FAT4: variants seen among roughly 807,000 people sequenced by gnomAD.
FAT4 encodes the protein FAT atypical cadherin 4, also known as protocadherin Fat 4.
Under a neutral mutation model 303.9 loss-of-function variants are expected in FAT4, and 84 were observed. That is an observed-to-expected ratio of 0.28 (90% CI 0.23 to 0.33). FAT4 has a LOEUF of 0.33. FAT4 is among the 10% of genes least tolerant of loss of function. The pLI, the probability that FAT4 is intolerant of heterozygous loss-of-function variation, is 1.00. For missense variants in FAT4, 6,005 were observed against 6,146.8 expected, an observed-to-expected ratio of 0.98 and a Z score of 0.77; for synonymous variants, 2,307 against 2,298.8, an observed-to-expected ratio of 1.00 and a Z score of -0.10.
At chr4:125,487,964 C>G (rs1727470379) in intron 17 of FAT4, among the ~76,000 whole-genome samples, 1 of 152,154 alleles carries the variant, frequency 6.6e-6, no homozygotes, top group Non-Finnish European at 1.5e-5. Context: ...CACAGCCACT[C>G]TCTTCATAGA....
intron 10 of FAT4, among the ~76,000 whole-genome samples, chr4:125,456,284 A>G (rs1726274089): frequency 6.6e-6 from 1 of 152,146 alleles, no homozygotes; most frequent in South Asian, 2.1e-4. Flanking sequence ...CCAGGGCCAG[A>G]GCTGCCAAAG....
At chr4:125,373,784 G>C (rs1260762160) in intron 2 of FAT4, among the ~76,000 whole-genome samples, 4 of 152,086 alleles carry the variant, frequency 2.6e-5, no homozygotes, top group Non-Finnish European at 4.4e-5. Flanking sequence ...AGGTGAACAT[G>C]AAAAAGCCAA....
intron 2 of FAT4, among the ~76,000 whole-genome samples, chr4:125,327,083 C>A (rs541925575): frequency 6.6e-6 from 1 of 152,152 alleles, no homozygotes; most frequent in East Asian, 1.9e-4. Flanking sequence ...ACAATTTTTG[C>A]CTACCACAGC....
At chr4:125,464,201 T>C (rs1014613242) in intron 11 of FAT4, among the ~76,000 whole-genome samples, 3 of 152,208 alleles carry the variant, frequency 2.0e-5, no homozygotes, top group Non-Finnish European at 4.4e-5. Flanking sequence ...TGATACTACC[T>C]GACTAATAAA....
intron 12 of FAT4, among the ~76,000 whole-genome samples, chr4:125,473,072 C>T (rs1726917558): frequency 6.6e-6 from 1 of 151,828 alleles, no homozygotes; most frequent in Admixed American, 6.6e-5. Flanking sequence ...CCCAACATTC[C>T]AAAAATGTTG....
chr4:125,355,466 AT>A, intron 2 of FAT4, among the ~76,000 whole-genome samples: 1 of 152,178 alleles, frequency 6.6e-6, no homozygotes, highest in East Asian at 1.9e-4. Flanking sequence ...TCTGATGGAA[AT>A]AATATTACGA....
chr4:125,397,253 CAT>C (rs766703129), intron 2 of FAT4, among the ~76,000 whole-genome samples: 17 of 151,982 alleles, frequency 1.1e-4, no homozygotes, highest in Admixed American at 3.3e-4. Context: ...CTCTAGGACA[CAT>C]ATTATTATAC....
At chr4:125,330,229 T>TTTA (rs371747366) in intron 2 of FAT4, among the ~76,000 whole-genome samples, 13 of 152,232 alleles carry the variant, frequency 8.5e-5, no homozygotes, top group Admixed American at 3.3e-4. Context: ...TATTTTTTTT[T>TTTA]ATCTCACATT....
rs187533970 is a variant in FAT4 at position 125,372,723 on chromosome 4, A to C, written c.5176-26061A>C. On this transcript the variant is annotated intron_variant, in intron 2 of 17. Coordinates refer to ENST00000394329, the MANE Select transcript of FAT4 (RefSeq NM_001291303.3). ...GGAATGCAAATCACATTTCCTTTAC[A>C]CAATAGTATTAAACTGATTTCAAAG... Among the ~76,000 whole-genome samples the C allele has an allele frequency of 5.3e-5, 8 of 152,326 alleles. No individual in the cohort carries two copies. The East Asian group carries it at 1.3e-3, about 26-fold the overall frequency.
chr4:125,402,868 G>A (rs1734442049), intron 3 of FAT4, among the ~76,000 whole-genome samples: 1 of 151,746 alleles, frequency 6.6e-6, no homozygotes, highest in Non-Finnish European at 1.5e-5. Context: ...ACAATAAATG[G>A]TATATTTGTT....
chr4:125,415,101 T>C lies in FAT4; in HGVS notation c.6138T>C (p.Asp2046=), dbSNP rs751031729. 1 of 1,613,986 alleles carries C rather than the reference T, an allele frequency of 6.2e-7. No homozygotes were observed. The highest frequency in any genetic ancestry group is 8.5e-7 in the Non-Finnish European group (1 of 1,179,890). Residue 2046 remains aspartate, a synonymous_variant, in exon 6 of 18, where the codon GAT becomes GAC. Transcript: ENST00000394329. ...CCATTATTTTGTTGGATGTAAATGA[T>C]AACCCACCGACATTTCTTTCCCCTA... ...QVSIILLDVN[D]NPPTFLSPKL... is the part of the protein sequence containing the mutation.
Position 125,489,850 on chromosome 4 carries a change from T to TTTTTTC in FAT4, c.13085-46_13085-45insCTTTTT, listed in dbSNP as rs745377873. 19 of 436,708 alleles carry TTTTTTC rather than the reference T, an allele frequency of 4.4e-5. 2 individuals carry two copies. The East Asian group carries it at 5.8e-4, about 13-fold the overall frequency. 27.1% of individuals were successfully genotyped at this position (436,708 alleles called of 1,614,324 possible). On this transcript the variant is annotated intron_variant, in intron 17 of 17. Transcript: ENST00000394329. ...ACCCAGCAGTGTAGTATAAGCTCTT[T>TTTTTTC]TTTTTTTTTTTTTTTTTTGTAAAAA...
chr4:125,332,958 A>G (rs868572443), intron 2 of FAT4, among the ~76,000 whole-genome samples: 1 of 151,908 alleles, frequency 6.6e-6, no homozygotes, highest in African/African-American at 2.4e-5. Flanking sequence ...TGGTATATAC[A>G]TTTTTGTTCT....
At position 125,432,854 on chromosome 4, in the gene FAT4, C is replaced by T. The variant is rs1725327974; in HGVS notation, c.7019-1391C>T. Among the ~76,000 whole-genome samples, 4 of 152,048 alleles carry T rather than the reference C, an allele frequency of 2.6e-5. No homozygotes were observed. The South Asian group carries it at 8.3e-4, about 32-fold the overall frequency. On this transcript the variant is annotated intron_variant, in intron 7 of 17. Coordinates refer to ENST00000394329, the MANE Select transcript of FAT4 (RefSeq NM_001291303.3). ...ATATATGGCAACAATGATCAGTGTG[C>T]AGTCTAAATTTAATTGCATCATTTT...
intron 2 of FAT4, among the ~76,000 whole-genome samples, chr4:125,391,821 T>C (rs1433533756): frequency 6.6e-6 from 1 of 152,194 alleles, no homozygotes; most frequent in Non-Finnish European, 1.5e-5. Context: ...TAATAGTGGA[T>C]AACTTTGATT....
At chr4:125,339,581 A>G (rs1337758528) in intron 2 of FAT4, among the ~76,000 whole-genome samples, 2 of 152,324 alleles carry the variant, frequency 1.3e-5, no homozygotes, top group East Asian at 3.9e-4. Context: ...AACTACCTCT[A>G]AAACAACTAA....
In FAT4 at chr4:125,377,901, T is replaced by C. The variant is rs191653630; in HGVS notation, c.5176-20883T>C. ...TATCACACAAACATTCTCTCCAATATACACTTGAGTGTAAATTATATGTTG... is the reference window on the plus strand; with the variant it reads ...TATCACACAAACATTCTCTCCAATACACACTTGAGTGTAAATTATATGTTG... On this transcript the variant is annotated intron_variant, in intron 2 of 17. Transcript: ENST00000394329. Among the ~76,000 whole-genome samples, 435 of 152,238 alleles carry C rather than the reference T, an allele frequency of 2.9e-3. 3 individuals carry two copies. Among genetic ancestry groups the C allele is most frequent in the Non-Finnish European group, 2.9e-3 (199 of 67,968 alleles).
intron 8 of FAT4, among the ~76,000 whole-genome samples, chr4:125,439,763 A>G (rs945639469): frequency 6.6e-6 from 1 of 152,170 alleles, no homozygotes; most frequent in African/African-American, 2.4e-5. Flanking sequence ...AACCATGTAG[A>G]TATCTATATA....
At chr4:125,384,808 A>G (rs765072995) in intron 2 of FAT4, among the ~76,000 whole-genome samples, 2 of 151,838 alleles carry the variant, frequency 1.3e-5, no homozygotes, top group Non-Finnish European at 2.9e-5. Context: ...TTTGTATCCT[A>G]AGCAACAAGC....
Sources: allele counts gnomAD v4.1 joint callset (sites outside exome capture counted in the v4.1 genomes callset), GRCh38; gene constraint gnomAD v4.1.1; transcripts MANE v1.5; gene names NCBI Gene and HGNC (gene_info 2026-07-23, HGNC 2026-07-21).